Variants in R3HDM1 observed in about 807,000 individuals in gnomAD.
R3HDM1 encodes R3H domain containing 1.
In R3HDM1, 46 loss-of-function variants were observed where a neutral mutation model predicts 141.1. That is an observed-to-expected ratio of 0.33 (90% CI 0.26 to 0.42). R3HDM1 has a LOEUF of 0.42. Ranked by LOEUF, R3HDM1 falls within the 10% of genes least tolerant of loss-of-function variation. R3HDM1 has a pLI of 1.00. For missense variants in R3HDM1, 1,184 were observed against 1,368.3 expected, an observed-to-expected ratio of 0.87 and a Z score of 2.12; for synonymous variants, 435 against 472.9, an observed-to-expected ratio of 0.92 and a Z score of 1.04.
chr2:135,581,478 CCTGA>C, intron 1 of R3HDM1: 5 of 846,484 alleles, frequency 5.9e-6, no homozygotes, highest in Non-Finnish European at 7.1e-6. Context: ...ATTGACCTCA[CCTGA>C]CTGACTAATA....
At chr2:135,718,347 A>C (rs905324643) in intron 24 of R3HDM1, among the ~76,000 whole-genome samples, 6 of 152,190 alleles carry the variant, frequency 3.9e-5, no homozygotes, top group Non-Finnish European at 1.5e-5. Context: ...TATGTTAATT[A>C]TATCTCAATT....
intron 18 of R3HDM1, among the ~76,000 whole-genome samples, chr2:135,659,725 G>A (rs994214468): frequency 3.9e-5 from 6 of 152,218 alleles, no homozygotes; most frequent in African/African-American, 1.4e-4. Context: ...GGCGTCAGCT[G>A]CCATACCCAG....
At chr2:135,722,441 T>G (rs1426956840) in intron 25 of R3HDM1, 28 bp from the exon 26 acceptor site, 2 of 1,609,650 alleles carry the variant, frequency 1.2e-6, no homozygotes, top group Admixed American at 3.4e-5. Context: ...TTATTAACGT[T>G]GTTTCTCAAC....
At chr2:135,637,448 G>C (rs1263446805) in intron 11 of R3HDM1, among the ~76,000 whole-genome samples, 1 of 152,082 alleles carries the variant, frequency 6.6e-6, no homozygotes. Flanking sequence ...TTGAGCTCAG[G>C]AGTTCAAGAC....
At position 135,547,439 on chromosome 2, in the gene R3HDM1, ACTGT is replaced by A. The variant is rs1159927326; in HGVS notation, c.-250+15809_-250+15812del. On this transcript the variant is annotated intron_variant, in intron 1 of 26. Transcript: ENST00000683871. ...TTATGTCACATTGTTACTTCTTATG[ACTGT>A]CTTCGATTTTTTTTTCTGGAGTTTC... 2.7e-5 allele frequency among the ~76,000 whole-genome samples: 4 copies of A among 149,158 alleles called. No homozygotes were observed. In the East Asian group the frequency reaches 7.8e-4, roughly 29 times the overall value.
chr2:135,625,542 G>A (rs919139876), intron 7 of R3HDM1, among the ~76,000 whole-genome samples: 8 of 152,154 alleles, frequency 5.3e-5, no homozygotes, highest in Admixed American at 3.9e-4. Context: ...GTCTGCCTCC[G>A]TTTCCTAGCT....
intron 1 of R3HDM1, among the ~76,000 whole-genome samples, chr2:135,543,951 G>A (rs1450174313): frequency 6.6e-6 from 1 of 152,162 alleles, no homozygotes. Context: ...GTATGTGTTT[G>A]GAAACTCAGA....
Position 135,638,742 on chromosome 2 carries a change from C to A in R3HDM1, c.945C>A (p.Leu315=), listed in dbSNP as rs1184362091. ...TGTCCTATTAAAATGCCAACAGACTCCAAGACGAGGATGCCAGTAGTACCC... is the reference window on the plus strand; with the variant it reads ...TGTCCTATTAAAATGCCAACAGACTACAAGACGAGGATGCCAGTAGTACCC... ...SQENYIIDKR[L]QDEDASSTQQ... Residue 315 remains leucine (L), a synonymous_variant, in exon 13 of 27, where the codon CTC becomes CTA. Transcript: ENST00000683871. 6 of 1,613,910 alleles carry A rather than the reference C, an allele frequency of 3.7e-6. No individual in the cohort carries two copies. Among genetic ancestry groups the A allele is most frequent in the Admixed American group, 1.7e-5 (1 of 59,996 alleles).
intron 3 of R3HDM1, among the ~76,000 whole-genome samples, chr2:135,607,653 T>C (rs1042157912): frequency 2.0e-5 from 3 of 152,242 alleles, no homozygotes; most frequent in Non-Finnish European, 4.4e-5. Flanking sequence ...TTTCTACACC[T>C]AATATTTCTT....
chr2:135,602,227 C>G (rs1574247202), intron 1 of R3HDM1, among the ~76,000 whole-genome samples: 1 of 152,092 alleles, frequency 6.6e-6, no homozygotes, highest in East Asian at 1.9e-4. Context: ...AATTATAACC[C>G]TGACTGCATT....
chr2:135,551,175 G>A (rs769743189), intron 1 of R3HDM1, among the ~76,000 whole-genome samples: 13 of 152,122 alleles, frequency 8.5e-5, no homozygotes, highest in Non-Finnish European at 1.5e-4. Flanking sequence ...CCATTCTATC[G>A]TTAACACTTT....
chr2:135,667,395 T>TC, intron 19 of R3HDM1, among the ~76,000 whole-genome samples: 1 of 150,498 alleles, frequency 6.6e-6, no homozygotes, highest in East Asian at 1.9e-4. Context: ...GGTAGTGTTT[T>TC]AAAAAAAAAA....
At chr2:135,675,233 T>A in intron 19 of R3HDM1, 99 bp from the exon 20 acceptor site, 1 of 1,212,906 alleles carries the variant, frequency 8.2e-7, no homozygotes, top group South Asian at 2.0e-5. Context: ...ATCAAAATTT[T>A]ATCATTTTAG....
chr2:135,713,163 C>T (rs1018172083), intron 23 of R3HDM1, among the ~76,000 whole-genome samples: 6 of 152,096 alleles, frequency 3.9e-5, no homozygotes, highest in Admixed American at 2.0e-4. Context: ...GATCACACTA[C>T]TGTACTCCAG....
At chr2:135,715,800 C>A in intron 24 of R3HDM1, 106 bp downstream of exon 24, 2 of 1,366,616 alleles carry the variant, frequency 1.5e-6, no homozygotes, top group Non-Finnish European at 2.0e-6. Context: ...TTCCATAGAG[C>A]TGCATCTTCA....
chr2:135,693,991 C>T (rs186589285), intron 21 of R3HDM1, among the ~76,000 whole-genome samples: 34 of 151,528 alleles, frequency 2.2e-4, no homozygotes, highest in Middle Eastern at 3.4e-3. Flanking sequence ...GGAACAAGAG[C>T]GAAACTGCCT....
chr2:135,546,453 T>C (rs1233155032), intron 1 of R3HDM1, among the ~76,000 whole-genome samples: 2 of 152,172 alleles, frequency 1.3e-5, no homozygotes, highest in Non-Finnish European at 2.9e-5. Flanking sequence ...TCAGTTGTGC[T>C]AAAAAGAGGA....
chr2:135,557,394 A>G (rs887667833), intron 1 of R3HDM1, among the ~76,000 whole-genome samples: 3 of 152,194 alleles, frequency 2.0e-5, no homozygotes, highest in Non-Finnish European at 4.4e-5. Flanking sequence ...TTTAAATTGT[A>G]AGTGATACAA....
At chr2:135,567,635 T>C (rs1177756663) in intron 1 of R3HDM1, among the ~76,000 whole-genome samples, 1 of 152,246 alleles carries the variant, frequency 6.6e-6, no homozygotes, top group Non-Finnish European at 1.5e-5. Flanking sequence ...ATTTAAACTA[T>C]GGGTTTTCTT....
Sources: gnomAD v4.1 joint callset for allele counts (sites outside exome capture counted in the v4.1 genomes callset) on GRCh38, gnomAD v4.1.1 for gene constraint, MANE v1.5 for transcripts, NCBI Gene and HGNC (gene_info 2026-07-23, HGNC 2026-07-21) for gene names.